Variants in BABAM2 observed in about 807,000 individuals in gnomAD.
BABAM2 encodes BRISC and BRCA1-A complex member 2.
A neutral mutation model predicts 54.7 loss-of-function variants in BABAM2; 31 were observed. The observed-to-expected ratio is 0.57, with a 90% CI of 0.43 to 0.77. BABAM2 has a LOEUF of 0.77. Ranked by LOEUF, BABAM2 falls within the 30% of genes least tolerant of loss-of-function variation. BABAM2 has a pLI of 0.00. For synonymous variants in BABAM2, 167 were observed against 162.9 expected (o/e 1.03, Z -0.19); for missense variants, 364 against 455.8 (o/e 0.80, Z 1.83).
intron 6 of BABAM2, among the ~76,000 whole-genome samples, chr2:28,098,898 A>G (rs536401825): frequency 6.6e-6 from 1 of 152,330 alleles, no homozygotes; most frequent in African/African-American, 2.4e-5. Flanking sequence ...AGGTAAATGC[A>G]GAAGGATGAA....
rs1384222674 is a variant in BABAM2, at chr2:28,326,750, C to T, written c.1089-11700C>T. Among the ~76,000 whole-genome samples, 7 of 152,118 alleles carry T rather than the reference C, an allele frequency of 4.6e-5. No homozygotes were observed. In the East Asian group the frequency reaches 1.2e-3, roughly 25 times the overall value. ...TGGGAGCTTCTGACAGGGTGAGCAC[C>T]AAGGGCACTAAGGGTGAACCATCCC... is the stretch of plus-strand genomic sequence containing the variant. On this transcript the variant is annotated intron_variant, in intron 11 of 11. Coordinates refer to ENST00000379624, the MANE Select transcript of BABAM2 (RefSeq NM_199191.3).
intron 7 of BABAM2, among the ~76,000 whole-genome samples, chr2:28,186,457 G>A (rs1376633256): frequency 6.6e-6 from 1 of 152,084 alleles, no homozygotes; most frequent in Non-Finnish European, 1.5e-5. Context: ...GAGAGCAAAA[G>A]AAAGATGAGA....
chr2:28,100,324 G>T (rs1666970361), intron 6 of BABAM2, among the ~76,000 whole-genome samples: 1 of 151,940 alleles, frequency 6.6e-6, no homozygotes, highest in South Asian at 2.1e-4. Flanking sequence ...ACCGGGTGTG[G>T]TGGCGCGTGC....
rs1207849274 is a variant in BABAM2, at chr2:27,995,854, A to C, written c.300+7767A>C. On this transcript the variant is annotated intron_variant, in intron 4 of 11. Coordinates refer to ENST00000379624, the MANE Select transcript of BABAM2 (RefSeq NM_199191.3). This position sits in a 1 kb window ranked among gnomAD's most constrained non-coding sequence, Gnocchi z 4.1. ...CTCGGCCTCCCAAAGTGCTGGGATTACAGGCGTGAGCCACTGCACCTGGCC... is the reference window on the plus strand; with the variant it reads ...CTCGGCCTCCCAAAGTGCTGGGATTCCAGGCGTGAGCCACTGCACCTGGCC... 6.6e-6 allele frequency among the ~76,000 whole-genome samples: 1 copy of C among 152,198 alleles called. No individual in the cohort carries two copies. Among genetic ancestry groups the C allele is most frequent in the Non-Finnish European group, 1.5e-5 (1 of 68,030 alleles).
chr2:28,328,453 G>A (rs1428968716), intron 11 of BABAM2, among the ~76,000 whole-genome samples: 2 of 152,146 alleles, frequency 1.3e-5, no homozygotes, highest in African/African-American at 4.8e-5. Flanking sequence ...TTTCCTGACA[G>A]TGAGGGCTGT....
At position 28,311,260 on chromosome 2, in the gene BABAM2, C is replaced by CA. The variant is rs11309935; in HGVS notation, c.1088+12788dup. Among the ~76,000 whole-genome samples, 166 of 110,432 alleles carry CA rather than the reference C, an allele frequency of 1.5e-3. 1 individual carries two copies. Among genetic ancestry groups the CA allele is most frequent in the East Asian group, 5.0e-3 (19 of 3,776 alleles). The allele number at this position is 110,432 out of a possible 152,430, so 72.4% of individuals were successfully genotyped here. On this transcript the variant is annotated intron_variant, in intron 11 of 11. Coordinates refer to ENST00000379624, the MANE Select transcript of BABAM2 (RefSeq NM_199191.3). Reference sequence around the variant, plus strand: ...TAGGCGACAGAATGAGACCCTGTCTCAAAAAAAAAAAAAAAAAAAGAACAA... The same window carrying CA: ...TAGGCGACAGAATGAGACCCTGTCTCAAAAAAAAAAAAAAAAAAAAGAACAA...
intron 10 of BABAM2, among the ~76,000 whole-genome samples, chr2:28,251,334 A>T (rs1683464017): frequency 6.6e-6 from 1 of 152,154 alleles, no homozygotes; most frequent in African/African-American, 2.4e-5. Context: ...TAGGCCTGTA[A>T]TCAAGGCCAA....
intron 6 of BABAM2, among the ~76,000 whole-genome samples, chr2:28,125,346 T>G (rs563152530): frequency 6.6e-6 from 1 of 152,198 alleles, no homozygotes; most frequent in East Asian, 1.9e-4. Flanking sequence ...CAGGCTGGAG[T>G]GCAGTGGCAC....
At chr2:28,258,719 C>T (rs1423912977) in intron 10 of BABAM2, among the ~76,000 whole-genome samples, 3 of 145,290 alleles carry the variant, frequency 2.1e-5, no homozygotes. Context: ...CTCAAGTGTT[C>T]CTCCCACTTC....
chr2:27,928,184 T>G (rs1317194672), intron 2 of BABAM2, among the ~76,000 whole-genome samples: 1 of 152,000 alleles, frequency 6.6e-6, no homozygotes, highest in Non-Finnish European at 1.5e-5. Flanking sequence ...CCCAGCTAAT[T>G]TTTGTATTTT....
intron 2 of BABAM2, among the ~76,000 whole-genome samples, chr2:27,919,269 C>A (rs1440557483): frequency 6.6e-6 from 1 of 152,146 alleles, no homozygotes; most frequent in Non-Finnish European, 1.5e-5. Context: ...TGAACATTTA[C>A]AAAATTTTCT....
chr2:28,285,131 C>T (rs1445826685), intron 10 of BABAM2, among the ~76,000 whole-genome samples: 1 of 152,164 alleles, frequency 6.6e-6, no homozygotes, highest in Non-Finnish European at 1.5e-5. Context: ...AGGTTGCAGC[C>T]TGTATTTATT....
At chr2:28,250,584 C>CTTTTTTTTTTTTTTTTTTTTTTTTTTT (rs34597279) in intron 10 of BABAM2, among the ~76,000 whole-genome samples, 1 of 137,022 alleles carries the variant, frequency 7.3e-6, no homozygotes, top group Non-Finnish European at 1.5e-5. Context: ...ATATTTTTTT[C>CTTTTTTTTTTTTTTTTTTTTTTTTTTT]TTTTTTTTTT....
At chr2:28,259,859 T>C (rs1462178345) in intron 10 of BABAM2, among the ~76,000 whole-genome samples, 2 of 152,128 alleles carry the variant, frequency 1.3e-5, no homozygotes, top group Non-Finnish European at 2.9e-5. Context: ...TTAGCACCTT[T>C]CTCAAAAGTC....
intron 8 of BABAM2, among the ~76,000 whole-genome samples, chr2:28,240,990 C>T (rs756772241): frequency 4.6e-4 from 70 of 151,690 alleles, no homozygotes; most frequent in Non-Finnish European, 8.8e-4. Flanking sequence ...TAGATGAATT[C>T]AGAGACCAAT....
intron 3 of BABAM2, among the ~76,000 whole-genome samples, chr2:27,986,598 G>A (rs369392473): frequency 6.6e-6 from 1 of 152,172 alleles, no homozygotes; most frequent in East Asian, 1.9e-4. Context: ...CAGGGAACGA[G>A]AGGAGTGAGA....
intron 3 of BABAM2, among the ~76,000 whole-genome samples, chr2:27,966,889 G>A (rs1221667410): frequency 6.6e-6 from 1 of 152,142 alleles, no homozygotes; most frequent in African/African-American, 2.4e-5. Flanking sequence ...TTTACTAGTT[G>A]TAGGATAGAA....
intron 6 of BABAM2, among the ~76,000 whole-genome samples, chr2:28,126,966 C>A (rs1240877643): frequency 6.6e-6 from 1 of 150,396 alleles, no homozygotes; most frequent in Non-Finnish European, 1.5e-5. Flanking sequence ...TGTTCATGTC[C>A]TTCGCCCACT....
chr2:28,319,776 C>T (rs909077154), intron 11 of BABAM2, among the ~76,000 whole-genome samples: 1 of 152,244 alleles, frequency 6.6e-6, no homozygotes, highest in African/African-American at 2.4e-5. Flanking sequence ...GCTCCTCCTG[C>T]CAGCTTCAGC....
Sources: gnomAD v4.1 joint callset for allele counts (sites outside exome capture counted in the v4.1 genomes callset) on GRCh38, gnomAD v4.1.1 for gene constraint, Gnocchi (gnomAD v3.1) non-coding constraint, MANE v1.5 for transcripts, NCBI Gene and HGNC (gene_info 2026-07-23, HGNC 2026-07-21) for gene names.